ERBB4: variants seen among roughly 807,000 people sequenced by gnomAD.
ERBB4 encodes the protein erb-b2 receptor tyrosine kinase 4.
ERBB4 carries 42 observed loss-of-function variants against 158.0 expected under a neutral mutation model. That is an observed-to-expected ratio of 0.27 (90% CI 0.21 to 0.34). The LOEUF is 0.34. Among genes scored for constraint, ERBB4 ranks in the 10% least tolerant of loss-of-function variants. ERBB4 has a pLI of 1.00. For missense variants in ERBB4, 1,333 were observed against 1,624.1 expected (o/e 0.82, Z 3.08); for synonymous variants, 583 against 558.7 (o/e 1.04, Z -0.61).
intron 20 of ERBB4, among the ~76,000 whole-genome samples, chr2:211,533,952 C>T (rs2066574045): frequency 6.6e-6 from 1 of 152,044 alleles, no homozygotes; most frequent in Non-Finnish European, 1.5e-5. Flanking sequence ...ACTGACTTTC[C>T]TATGATTTCT....
In ERBB4 at chr2:211,605,367, T is replaced by G. The variant is rs542306806; in HGVS notation, c.2301+13810A>C. ...AAGACTATAGAAAGATGCTTGGAGATGAGGGTCTCTTGAGACTTATCAGTA... is the reference window on the plus strand; with the variant it reads ...AAGACTATAGAAAGATGCTTGGAGAGGAGGGTCTCTTGAGACTTATCAGTA... On this transcript the variant is annotated intron_variant, in intron 19 of 27. Transcript: ENST00000342788. 4.0e-4 allele frequency among the ~76,000 whole-genome samples: 61 copies of G among 152,296 alleles called. 1 individual carries two copies. Among genetic ancestry groups the G allele is most frequent in the Admixed American group, 5.2e-4 (8 of 15,300 alleles).
chr2:212,493,041 T>C (rs1055536723), intron 1 of ERBB4, among the ~76,000 whole-genome samples: 1 of 151,468 alleles, frequency 6.6e-6, no homozygotes, highest in Non-Finnish European at 1.5e-5. Flanking sequence ...AATCCTTCAG[T>C]GAACGTATGG....
chr2:212,158,299 C>T (rs961821228), intron 1 of ERBB4, among the ~76,000 whole-genome samples: 2 of 151,942 alleles, frequency 1.3e-5, no homozygotes, highest in Non-Finnish European at 2.9e-5. Context: ...TAGTTCCAAC[C>T]TATCTCACTA....
intron 2 of ERBB4, among the ~76,000 whole-genome samples, chr2:212,106,499 G>A (rs1489552639): frequency 6.6e-6 from 1 of 152,178 alleles, no homozygotes; most frequent in Admixed American, 6.5e-5. Context: ...CTTTAAAAGG[G>A]AAATAGAGCA....
At chr2:212,465,821 G>A (rs1253145338) in intron 1 of ERBB4, among the ~76,000 whole-genome samples, 1 of 152,082 alleles carries the variant, frequency 6.6e-6, no homozygotes, top group Non-Finnish European at 1.5e-5. Context: ...CCCATCCACA[G>A]TCTATTCTCT....
intron 20 of ERBB4, among the ~76,000 whole-genome samples, chr2:211,458,564 C>A (rs1196229170): frequency 6.6e-6 from 1 of 152,156 alleles, no homozygotes; most frequent in African/African-American, 2.4e-5. Flanking sequence ...CACGCCTGGC[C>A]AACACTAAAT....
At chr2:211,773,623 TATATATATATATATATATATATATA>T (rs1231399275) in intron 4 of ERBB4, among the ~76,000 whole-genome samples, 843 of 66,558 alleles carry the variant, frequency 0.013, 28 homozygotes, top group African/African-American at 0.051. Flanking sequence ...TATATATATA[TATATATATATATATATATATATATA>T]ATATATATAC....
At chr2:212,140,989 A>C (rs1282666991) in intron 1 of ERBB4, among the ~76,000 whole-genome samples, 1 of 151,262 alleles carries the variant, frequency 6.6e-6, no homozygotes, top group Non-Finnish European at 1.5e-5. Context: ...TATTGTTTCT[A>C]TTTTACTAAT....
intron 20 of ERBB4, among the ~76,000 whole-genome samples, chr2:211,439,920 A>G (rs2063936624): frequency 6.6e-6 from 1 of 152,106 alleles, no homozygotes; most frequent in Non-Finnish European, 1.5e-5. Flanking sequence ...CAGAGATAAC[A>G]GAATTTTTTT....
At chr2:212,267,483 C>A (rs1222605262) in intron 1 of ERBB4, among the ~76,000 whole-genome samples, 1 of 151,694 alleles carries the variant, frequency 6.6e-6, no homozygotes, top group Non-Finnish European at 1.5e-5. Context: ...TTAGTGTATA[C>A]TTTTCAGGTG....
At chr2:211,616,969 A>G (rs897098454) in intron 19 of ERBB4, among the ~76,000 whole-genome samples, 1 of 152,222 alleles carries the variant, frequency 6.6e-6, no homozygotes, top group African/African-American at 2.4e-5. Context: ...CTCATCTAAA[A>G]TTCAGCAGAA....
At chr2:211,388,379 A>G (rs1388714508) in intron 25 of ERBB4, among the ~76,000 whole-genome samples, 1 of 152,146 alleles carries the variant, frequency 6.6e-6, no homozygotes, top group Non-Finnish European at 1.5e-5. Flanking sequence ...TGAAATGGCC[A>G]TATTGTCTGC....
At chr2:211,917,262 TTC>T (rs1001015058) in intron 3 of ERBB4, among the ~76,000 whole-genome samples, 1 of 152,190 alleles carries the variant, frequency 6.6e-6, no homozygotes, top group African/African-American at 2.4e-5. Context: ...ATATAACTAC[TTC>T]TCTCTGAAAG....
At chr2:211,659,099 G>A (rs944841900) in intron 15 of ERBB4, among the ~76,000 whole-genome samples, 1 of 152,024 alleles carries the variant, frequency 6.6e-6, no homozygotes, top group Non-Finnish European at 1.5e-5. Flanking sequence ...CAATGTATAA[G>A]GCCAGTCTAT....
intron 1 of ERBB4, among the ~76,000 whole-genome samples, chr2:212,277,634 C>T (rs909587875): frequency 2.0e-5 from 3 of 151,800 alleles, no homozygotes; most frequent in East Asian, 3.9e-4. Context: ...CACAAAGTGT[C>T]CCCTGGCCAC....
At chr2:211,916,074 T>C (rs2079680794) in intron 3 of ERBB4, among the ~76,000 whole-genome samples, 1 of 151,934 alleles carries the variant, frequency 6.6e-6, no homozygotes, top group South Asian at 2.1e-4. Context: ...GTTACCATTT[T>C]ATATAATTAT....
intron 1 of ERBB4, among the ~76,000 whole-genome samples, chr2:212,356,601 C>T (rs2089472777): frequency 6.6e-6 from 1 of 151,620 alleles, no homozygotes; most frequent in Non-Finnish European, 1.5e-5. Context: ...GTTATTTTAC[C>T]TGCTTATCTA....
chr2:212,104,793 G>A lies in ERBB4; in HGVS notation c.234+19959C>T, dbSNP rs867259010. 3.3e-5 allele frequency among the ~76,000 whole-genome samples: 5 copies of A among 152,054 alleles called. No individual in the cohort carries two copies. The South Asian group carries it at 8.3e-4, about 25-fold the overall frequency. On this transcript the variant is annotated intron_variant, in intron 2 of 27. Coordinates refer to ENST00000342788, the MANE Select transcript of ERBB4 (RefSeq NM_005235.3). ...CAGAAGTCAAGTCGATTTGCGCTTT[G>A]CTAGAAATATTTTTATTTCAAAATT... is the stretch of plus-strand genomic sequence containing the variant.
At chr2:212,368,874 C>T (rs1031147130) in intron 1 of ERBB4, among the ~76,000 whole-genome samples, 2 of 152,216 alleles carry the variant, frequency 1.3e-5, no homozygotes, top group East Asian at 3.9e-4. Flanking sequence ...CTATTAATAG[C>T]ACCGTAGGTC....
Sources: gnomAD v4.1 joint callset for allele counts (sites outside exome capture counted in the v4.1 genomes callset) on GRCh38, gnomAD v4.1.1 for gene constraint, MANE v1.5 for transcripts, NCBI Gene and HGNC (gene_info 2026-07-23, HGNC 2026-07-21) for gene names.